Variants in NCK2 observed in about 807,000 individuals in gnomAD.
NCK2 encodes NCK adaptor protein 2, also known as cytoplasmic protein NCK2.
NCK2 carries 16 observed loss-of-function variants against 33.9 expected under a neutral mutation model. That is an observed-to-expected ratio of 0.47 (90% CI 0.32 to 0.72). The LOEUF (loss-of-function observed/expected upper bound fraction) is 0.72, where lower values mean the gene tolerates loss of function less well. Ranked by LOEUF, NCK2 falls within the 30% of genes least tolerant of loss-of-function variation. NCK2 has a pLI of 0.03. For missense variants in NCK2, 418 were observed against 537.3 expected (o/e 0.78, Z 2.19); for synonymous variants, 273 against 239.9 (o/e 1.14, Z -1.27).
intron 1 of NCK2, among the ~76,000 whole-genome samples, chr2:105,785,379 G>T (rs1241902060): frequency 6.6e-6 from 1 of 152,232 alleles, no homozygotes; most frequent in African/African-American, 2.4e-5. Context: ...CTAGTGGGAA[G>T]CTTCCTGAGA....
At chr2:105,817,175 C>CAAAA (rs10639030) in intron 2 of NCK2, among the ~76,000 whole-genome samples, 46 of 136,138 alleles carry the variant, frequency 3.4e-4, no homozygotes, top group African/African-American at 1.1e-3. Context: ...GACTTGGTCT[C>CAAAA]AAAAAAAAAA....
chr2:105,866,299 T>A (rs1677752859), intron 3 of NCK2, among the ~76,000 whole-genome samples: 1 of 152,196 alleles, frequency 6.6e-6, no homozygotes. Context: ...TCAGAAGTAA[T>A]CACGGTTGAC....
intron 3 of NCK2, among the ~76,000 whole-genome samples, chr2:105,874,103 A>G (rs1678143547): frequency 6.6e-6 from 1 of 152,208 alleles, no homozygotes; most frequent in African/African-American, 2.4e-5. Flanking sequence ...CCATGACATT[A>G]ATCTCATGTG....
intron 2 of NCK2, among the ~76,000 whole-genome samples, chr2:105,829,233 C>T (rs1246336641): frequency 5.9e-5 from 9 of 152,112 alleles, no homozygotes; most frequent in Non-Finnish European, 1.2e-4. Context: ...ACCTACCTCC[C>T]AACTTAAAAA....
intron 1 of NCK2, among the ~76,000 whole-genome samples, chr2:105,807,255 ACAT>A: frequency 6.6e-6 from 1 of 152,196 alleles, no homozygotes. Context: ...GCCCTCGCAG[ACAT>A]CATGTTCTCT....
intron 1 of NCK2, among the ~76,000 whole-genome samples, chr2:105,772,840 GTCCT>G (rs2104384277): frequency 6.6e-6 from 1 of 151,186 alleles, no homozygotes; most frequent in East Asian, 1.9e-4. Flanking sequence ...AGGTCTCCTG[GTCCT>G]TCCTTCACAG....
chr2:105,809,554 T>C (rs923707662), intron 1 of NCK2, among the ~76,000 whole-genome samples: 1 of 152,198 alleles, frequency 6.6e-6, no homozygotes, highest in African/African-American at 2.4e-5. Context: ...GGGTCCCTGA[T>C]TCATTTTAAC....
upstream of NCK2, among the ~76,000 whole-genome samples, chr2:105,744,723 G>T (rs1689199774): frequency 6.6e-6 from 1 of 150,966 alleles, no homozygotes; most frequent in Non-Finnish European, 1.5e-5. Flanking sequence ...ACGACGGGGG[G>T]CGCCCCAGGT....
chr2:105,892,951 C>G lies in NCK2; in HGVS notation c.949-31C>G, dbSNP rs190858251. On this transcript the variant is annotated intron_variant, in intron 4 of 4. Transcript: ENST00000233154. Reference sequence around the variant, plus strand: ...TTAGACACAGCTCCCCGCTGTGGCCCGGCTGTAACTGTGTTCTGTTTCCTC... The same window carrying G: ...TTAGACACAGCTCCCCGCTGTGGCCGGGCTGTAACTGTGTTCTGTTTCCTC... 9.7e-5 allele frequency: 152 copies of G among 1,574,916 alleles called. 2 individuals are homozygous for G. The Middle Eastern group carries it at 2.0e-3, about 21-fold the overall frequency.
At chr2:105,782,229 G>T (rs1256657804) in intron 1 of NCK2, among the ~76,000 whole-genome samples, 14 of 152,202 alleles carry the variant, frequency 9.2e-5, no homozygotes, top group Non-Finnish European at 2.9e-5. Context: ...GGCAGGCGGG[G>T]TGGCCGGGCC....
At chr2:105,855,460 G>A in intron 3 of NCK2, 171 bp downstream of exon 3, 1 of 591,850 alleles carries the variant, frequency 1.7e-6, no homozygotes, top group East Asian at 2.9e-5. Flanking sequence ...GGAGAAAGAG[G>A]ATGTTTTTCA....
intron 1 of NCK2, among the ~76,000 whole-genome samples, chr2:105,798,877 C>G (rs1332896764): frequency 6.6e-6 from 1 of 152,182 alleles, no homozygotes; most frequent in Admixed American, 6.5e-5. Flanking sequence ...AACCACAGCA[C>G]AGTTTTGAAA....
chr2:105,869,721 C>A (rs185268777), intron 3 of NCK2, among the ~76,000 whole-genome samples: 2 of 152,112 alleles, frequency 1.3e-5, no homozygotes, highest in Non-Finnish European at 2.9e-5. Flanking sequence ...TCATCCTTGC[C>A]GCGTCTTGTA....
chr2:105,830,272 T>C (rs1676118125), intron 2 of NCK2, among the ~76,000 whole-genome samples: 1 of 152,184 alleles, frequency 6.6e-6, no homozygotes. Flanking sequence ...TATTCTCTAC[T>C]TTTATGCATC....
intron 2 of NCK2, among the ~76,000 whole-genome samples, chr2:105,849,418 T>G (rs763541882): frequency 3.9e-5 from 6 of 152,114 alleles, no homozygotes; most frequent in Admixed American, 6.5e-5. Flanking sequence ...GAGGGAAGAC[T>G]CTGGTCTTCT....
intron 1 of NCK2, among the ~76,000 whole-genome samples, chr2:105,758,885 C>T (rs1018961729): frequency 1.3e-5 from 2 of 152,162 alleles, no homozygotes; most frequent in Non-Finnish European, 2.9e-5. Flanking sequence ...TGTTTAACAT[C>T]TGAAACTGAA....
At chr2:105,882,433 T>C in intron 4 of NCK2, among the ~76,000 whole-genome samples, 1 of 152,212 alleles carries the variant, frequency 6.6e-6, no homozygotes, top group East Asian at 1.9e-4. Flanking sequence ...AGAGAAAGCA[T>C]TCTTTGCAAG....
At chr2:105,863,824 GTGACTT>G (rs1677641041) in intron 3 of NCK2, among the ~76,000 whole-genome samples, 1 of 152,164 alleles carries the variant, frequency 6.6e-6, no homozygotes, top group Admixed American at 6.5e-5. Flanking sequence ...TAATCATTGA[GTGACTT>G]TGAACAAGCC....
chr2:105,831,876 G>A (rs1483723781), intron 2 of NCK2, among the ~76,000 whole-genome samples: 2 of 152,034 alleles, frequency 1.3e-5, no homozygotes, highest in East Asian at 1.9e-4. Flanking sequence ...GCTATTTGAG[G>A]TCTTTTGTGG....
Sources: gnomAD v4.1 joint callset for allele counts (sites outside exome capture counted in the v4.1 genomes callset) on GRCh38, gnomAD v4.1.1 for gene constraint, MANE v1.5 for transcripts, NCBI Gene and HGNC (gene_info 2026-07-23, HGNC 2026-07-21) for gene names.